EXT1: variants seen among roughly 807,000 people sequenced by gnomAD.
EXT1 encodes exostosin-1.
Under a neutral mutation model 82.5 loss-of-function variants are expected in EXT1, and 20 were observed. That is an observed-to-expected ratio of 0.24 (90% CI 0.17 to 0.35). The LOEUF (loss-of-function observed/expected upper bound fraction) is 0.35. Among genes scored for constraint, EXT1 ranks in the 10% least tolerant of loss-of-function variants. The pLI is 1.00. For synonymous variants in EXT1, 348 were observed against 350.8 expected (o/e 0.99, Z 0.09); for missense variants, 757 against 936.5 (o/e 0.81, Z 2.50).
chr8:117,920,685 C>T (rs1813838860), intron 1 of EXT1, among the ~76,000 whole-genome samples: 1 of 152,208 alleles, frequency 6.6e-6, no homozygotes, highest in African/African-American at 2.4e-5. Flanking sequence ...ATTAGTTACT[C>T]TTTCCAAATT....
intron 1 of EXT1, among the ~76,000 whole-genome samples, chr8:118,098,271 C>G (rs1047532143): frequency 6.6e-6 from 1 of 152,126 alleles, no homozygotes; most frequent in East Asian, 1.9e-4. Flanking sequence ...GCCCAACATA[C>G]CTGCCAGGAC....
At chr8:117,803,082 A>G (rs1823190463) in intron 10 of EXT1, among the ~76,000 whole-genome samples, 1 of 152,224 alleles carries the variant, frequency 6.6e-6, no homozygotes, top group African/African-American at 2.4e-5. Context: ...AAATTGAACT[A>G]ATATAACCAT....
At chr8:117,993,128 C>G (rs535630991) in intron 1 of EXT1, among the ~76,000 whole-genome samples, 1 of 152,192 alleles carries the variant, frequency 6.6e-6, no homozygotes, top group Non-Finnish European at 1.5e-5. Context: ...GGAGACATTT[C>G]TCCATTTTTA....
intron 1 of EXT1, among the ~76,000 whole-genome samples, chr8:117,951,049 T>A (rs1237641163): frequency 6.6e-6 from 1 of 152,202 alleles, no homozygotes; most frequent in Non-Finnish European, 1.5e-5. Flanking sequence ...TGAATACACA[T>A]TAGTTAAAAA....
rs76422012 is a variant in EXT1 at position 117,796,657 on chromosome 8, CTTT to C, written c.*3052_*3054del. On this transcript the variant is annotated 3_prime_UTR_variant, in exon 11 of 11. Transcript: ENST00000378204. The stretch of plus-strand genomic sequence containing the variant: ...ATAAGATTCCAGTAACAAGCTTTCC[CTTT>C]TTTTTTGAAGCATCTATCTGAAAGT... 9.3e-5 allele frequency: 14 copies of C among 151,240 alleles called. No individual in the cohort carries two copies. In the East Asian group the frequency reaches 2.7e-3, roughly 29 times the overall value. The allele number at this position is 151,240 out of a possible 1,614,324, so 9.4% of individuals were successfully genotyped here.
chr8:117,842,330 A>G (rs1159410665), intron 1 of EXT1, among the ~76,000 whole-genome samples: 1 of 152,216 alleles, frequency 6.6e-6, no homozygotes, highest in East Asian at 1.9e-4. Flanking sequence ...CCAAAGCACG[A>G]GCATATTATA....
rs191441021 is a variant in EXT1, at chr8:117,966,924, A to G, written c.963-129723T>C. Reference sequence around the variant, plus strand: ...CATTATCAAGAAACTAGCTACTTAAACAGCAGGTAACCTTCTATTTCATGC... The same window carrying G: ...CATTATCAAGAAACTAGCTACTTAAGCAGCAGGTAACCTTCTATTTCATGC... On this transcript the variant is annotated intron_variant, in intron 1 of 10. Coordinates refer to ENST00000378204, the MANE Select transcript of EXT1 (RefSeq NM_000127.3). Among the ~76,000 whole-genome samples the G allele has an allele frequency of 5.3e-4, 81 of 152,306 alleles. 1 individual carries two copies. In the East Asian group the frequency reaches 0.014, roughly 26 times the overall value.
intron 1 of EXT1, among the ~76,000 whole-genome samples, chr8:118,095,665 C>G (rs1817597140): frequency 6.6e-6 from 1 of 152,196 alleles, no homozygotes; most frequent in African/African-American, 2.4e-5. Flanking sequence ...TTCAGATATA[C>G]AGACCTAGGA....
intron 1 of EXT1, among the ~76,000 whole-genome samples, chr8:117,993,780 T>C (rs1815482479): frequency 6.6e-6 from 1 of 152,216 alleles, no homozygotes; most frequent in Non-Finnish European, 1.5e-5. Context: ...GATTAGGCTA[T>C]GGAACCTACT....
intron 1 of EXT1, among the ~76,000 whole-genome samples, chr8:117,981,238 A>T (rs762169242): frequency 2.6e-5 from 4 of 152,174 alleles, no homozygotes; most frequent in Non-Finnish European, 4.4e-5. Context: ...TATTTTTAAG[A>T]TTATCAATGC....
At chr8:118,057,510 C>A (rs769001561) in intron 1 of EXT1, among the ~76,000 whole-genome samples, 4 of 151,650 alleles carry the variant, frequency 2.6e-5, no homozygotes, top group Non-Finnish European at 5.9e-5. Flanking sequence ...GGCCATGGCA[C>A]TCCAGCATGG....
At chr8:117,910,274 T>C (rs1813621103) in intron 1 of EXT1, among the ~76,000 whole-genome samples, 1 of 152,156 alleles carries the variant, frequency 6.6e-6, no homozygotes, top group Non-Finnish European at 1.5e-5. Flanking sequence ...CTGCTGATGA[T>C]GAAGAAACCG....
chr8:117,979,381 A>C (rs1815137159), intron 1 of EXT1, among the ~76,000 whole-genome samples: 1 of 142,426 alleles, frequency 7.0e-6, no homozygotes, highest in Non-Finnish European at 1.5e-5. Flanking sequence ...CAAACAAACA[A>C]AAAAACAAAA....
chr8:117,933,232 G>C (rs1033716085), intron 1 of EXT1, among the ~76,000 whole-genome samples: 9 of 112,158 alleles, frequency 8.0e-5, no homozygotes, highest in Non-Finnish European at 1.4e-4. Flanking sequence ...ATGTTCTGCT[G>C]GGTATTTTTT....
intron 1 of EXT1, among the ~76,000 whole-genome samples, chr8:118,084,078 C>T (rs1483037689): frequency 6.6e-6 from 1 of 152,124 alleles, no homozygotes; most frequent in Non-Finnish European, 1.5e-5. Flanking sequence ...TCCTGAGGAA[C>T]TTATCTATTA....
At chr8:117,834,627 T>TACACATAC (rs1391629948) in intron 3 of EXT1, among the ~76,000 whole-genome samples, 2 of 150,550 alleles carry the variant, frequency 1.3e-5, no homozygotes, top group East Asian at 3.9e-4. Flanking sequence ...CACACACACA[T>TACACATAC]ACACACACAC....
chr8:118,013,180 T>C (rs867765158), intron 1 of EXT1, among the ~76,000 whole-genome samples: 8 of 151,918 alleles, frequency 5.3e-5, no homozygotes, highest in Non-Finnish European at 1.2e-4. Context: ...ATTACAAGCA[T>C]GGGCCACCAC....
At chr8:117,954,689 T>C (rs1814555180) in intron 1 of EXT1, among the ~76,000 whole-genome samples, 1 of 152,196 alleles carries the variant, frequency 6.6e-6, no homozygotes, top group Admixed American at 6.5e-5. Flanking sequence ...CTGTGAATTA[T>C]TCAAAACAAA....
intron 1 of EXT1, among the ~76,000 whole-genome samples, chr8:117,854,543 A>G (rs1812509662): frequency 6.6e-6 from 1 of 152,252 alleles, no homozygotes; most frequent in Non-Finnish European, 1.5e-5. Context: ...ATAGAAAAAG[A>G]AAGCTGCTGG....
Sources: allele counts gnomAD v4.1 joint callset (sites outside exome capture counted in the v4.1 genomes callset), GRCh38; gene constraint gnomAD v4.1.1; transcripts MANE v1.5; gene names NCBI Gene and HGNC (gene_info 2026-07-23, HGNC 2026-07-21).